PRKG1: variants seen among roughly 807,000 people sequenced by gnomAD.
PRKG1 encodes the protein cGMP-dependent protein kinase 1.
In PRKG1, 35 loss-of-function variants were observed where a neutral mutation model predicts 88.1. That is an observed-to-expected ratio of 0.40 (90% CI 0.30 to 0.53). The LOEUF (loss-of-function observed/expected upper bound fraction) is 0.53, where lower values mean the gene tolerates loss of function less well. PRKG1 is among the 20% of genes least tolerant of loss of function. The pLI is 0.59. For synonymous variants in PRKG1, 303 were observed against 292.5 expected (o/e 1.04, Z -0.37); for missense variants, 540 against 839.8 (o/e 0.64, Z 4.41).
At chr10:51,711,356 G>A (rs1841746126) in intron 3 of PRKG1, among the ~76,000 whole-genome samples, 3 of 151,866 alleles carry the variant, frequency 2.0e-5, no homozygotes, top group South Asian at 2.1e-4. Flanking sequence ...GACCCGCCTC[G>A]GGCTCCCAAA....
chr10:51,627,929 T>TCTTCCCTCCTTC (rs1839386216), intron 3 of PRKG1, among the ~76,000 whole-genome samples: 1 of 41,560 alleles, frequency 2.4e-5, no homozygotes. Flanking sequence ...TCCCTTCCTT[T>TCTTCCCTCCTTC]CTTCCTTCCT....
chr10:51,858,412 T>TATATATA (rs1840774794), intron 4 of PRKG1, among the ~76,000 whole-genome samples: 1 of 63,866 alleles, frequency 1.6e-5, no homozygotes, highest in African/African-American at 6.1e-5. Context: ...ATATATAAAA[T>TATATATA]ATATATATAA....
intron 2 of PRKG1, among the ~76,000 whole-genome samples, chr10:51,260,380 A>G (rs1839673218): frequency 6.6e-6 from 1 of 151,860 alleles, no homozygotes; most frequent in African/African-American, 2.4e-5. Context: ...ACGATTTTTT[A>G]GCATGCATGT....
At chr10:52,004,552 A>G (rs1392247127) in intron 5 of PRKG1, among the ~76,000 whole-genome samples, 2 of 151,490 alleles carry the variant, frequency 1.3e-5, no homozygotes, top group East Asian at 1.9e-4. Context: ...TCTAACGAAT[A>G]TGATTCTTAT....
intron 3 of PRKG1, among the ~76,000 whole-genome samples, chr10:51,529,001 T>C (rs1350428282): frequency 6.6e-6 from 1 of 152,146 alleles, no homozygotes. Flanking sequence ...GGATAGTAGC[T>C]ATCCTGAACT....
At chr10:51,479,808 T>G (rs908524094) in intron 3 of PRKG1, among the ~76,000 whole-genome samples, 3 of 152,074 alleles carry the variant, frequency 2.0e-5, no homozygotes, top group African/African-American at 4.8e-5. Context: ...AAAGATATGT[T>G]CAACAGTAAT....
At chr10:52,272,044 C>A (rs1347820909) in intron 11 of PRKG1, among the ~76,000 whole-genome samples, 1 of 152,066 alleles carries the variant, frequency 6.6e-6, no homozygotes, top group Non-Finnish European at 1.5e-5. Context: ...GTTTAATCCA[C>A]TTTATTCCCA....
chr10:51,729,918 T>C (rs762597176), intron 3 of PRKG1, among the ~76,000 whole-genome samples: 1 of 152,106 alleles, frequency 6.6e-6, no homozygotes, highest in African/African-American at 2.4e-5. Flanking sequence ...AGATTTTTCA[T>C]GTACTCCCTG....
At chr10:51,527,654 C>T (rs2132087274) in intron 3 of PRKG1, among the ~76,000 whole-genome samples, 1 of 152,214 alleles carries the variant, frequency 6.6e-6, no homozygotes, top group Admixed American at 6.5e-5. Flanking sequence ...CGTTATAGAG[C>T]GATTCAATTT....
rs1465710988 is a variant in PRKG1 at position 51,115,386 on chromosome 10, A to ATATATATATATATATATAT, written c.312-37778_312-37777insTATATATATATATATATAT. 7.7e-3 allele frequency among the ~76,000 whole-genome samples: 539 copies of ATATATATATATATATATAT among 70,326 alleles called. 28 individuals carry two copies. The highest frequency in any genetic ancestry group is 0.017 in the African/African-American group (335 of 19,830). The allele number at this position is 70,326 out of a possible 152,430, so 46.1% of individuals were successfully genotyped here. ...GTTCCTTTAAACATATATATATATA[A>ATATATATATATATATATAT]AACAAATGTGAAAGGGGGAGAGACA... On this transcript the variant is annotated intron_variant, in intron 1 of 17. Coordinates refer to ENST00000373980, the MANE Select transcript of PRKG1 (RefSeq NM_006258.4).
At chr10:51,960,554 G>T in intron 5 of PRKG1, among the ~76,000 whole-genome samples, 1 of 149,936 alleles carries the variant, frequency 6.7e-6, no homozygotes, top group Non-Finnish European at 1.5e-5. Context: ...TGTTCATGTA[G>T]TGTCACATTG....
intron 3 of PRKG1, among the ~76,000 whole-genome samples, chr10:51,617,616 G>A (rs770651792): frequency 2.0e-5 from 3 of 152,238 alleles, no homozygotes; most frequent in South Asian, 2.1e-4. Flanking sequence ...GTACAGTAAC[G>A]TGCTCTATAG....
intron 14 of PRKG1, among the ~76,000 whole-genome samples, chr10:52,287,663 A>T (rs1842149158): frequency 6.6e-6 from 1 of 151,250 alleles, no homozygotes; most frequent in Admixed American, 6.6e-5. Context: ...TACTCACTGA[A>T]GCTGCCACAA....
At chr10:51,970,562 T>C (rs1211693831) in intron 5 of PRKG1, among the ~76,000 whole-genome samples, 1 of 150,978 alleles carries the variant, frequency 6.6e-6, no homozygotes, top group Non-Finnish European at 1.5e-5. Context: ...TCAACAATCA[T>C]CAACTTTTAT....
At chr10:52,226,311 C>T (rs997066840) in intron 9 of PRKG1, among the ~76,000 whole-genome samples, 5 of 152,104 alleles carry the variant, frequency 3.3e-5, no homozygotes, top group African/African-American at 1.2e-4. Context: ...GTTAGCATAA[C>T]TGACTTGCAT....
intron 4 of PRKG1, among the ~76,000 whole-genome samples, chr10:51,806,022 G>A (rs1308212385): frequency 6.6e-6 from 1 of 152,042 alleles, no homozygotes; most frequent in South Asian, 2.1e-4. Flanking sequence ...ATATATATAT[G>A]TATGTGTTGA....
intron 5 of PRKG1, among the ~76,000 whole-genome samples, chr10:51,946,733 A>C (rs933477556): frequency 1.3e-5 from 2 of 152,058 alleles, no homozygotes; most frequent in African/African-American, 4.8e-5. Flanking sequence ...CACTCCAGAC[A>C]CTGTTTGCCT....
intron 2 of PRKG1, among the ~76,000 whole-genome samples, chr10:51,284,907 T>A (rs1421473597): frequency 7.4e-5 from 11 of 149,400 alleles, no homozygotes; most frequent in African/African-American, 2.5e-4. Context: ...TTTTTTTTTT[T>A]ATTATACTTT....
At chr10:51,577,911 T>G (rs1589100565) in intron 3 of PRKG1, among the ~76,000 whole-genome samples, 1 of 152,138 alleles carries the variant, frequency 6.6e-6, no homozygotes, top group East Asian at 1.9e-4. Flanking sequence ...CAGGCAGTTT[T>G]TTAAACTTTG....
Sources: gnomAD v4.1 joint callset for allele counts (sites outside exome capture counted in the v4.1 genomes callset) on GRCh38, gnomAD v4.1.1 for gene constraint, MANE v1.5 for transcripts, NCBI Gene and HGNC (gene_info 2026-07-23, HGNC 2026-07-21) for gene names.